Variants in VIPR2 observed in about 807,000 individuals in gnomAD.
The protein encoded by VIPR2 is vasoactive intestinal polypeptide receptor 2.
VIPR2 carries 48 observed loss-of-function variants against 58.0 expected under a neutral mutation model. The observed-to-expected ratio is 0.83, with a 90% confidence interval of 0.66 to 1.05. The LOEUF is 1.05. Among genes scored for constraint, VIPR2 ranks in the 50% least tolerant of loss-of-function variants. The probability of loss-of-function intolerance (pLI) is 0.00; values close to 1 mark genes in which losing one functional copy is unlikely to be tolerated. For synonymous variants in VIPR2, 243 were observed against 235.2 expected (o/e 1.03, Z -0.30); for missense variants, 534 against 558.0 (o/e 0.96, Z 0.43).
intron 4 of VIPR2, 66 bp downstream of exon 4, chr7:159,103,691 G>A (rs1274747076): frequency 2.0e-5 from 24 of 1,203,774 alleles, no homozygotes; most frequent in Non-Finnish European, 4.9e-6. Flanking sequence ...TGCAGGGCAG[G>A]AGGGGGCTTC....
At chr7:159,135,640 T>C (rs1797185027) in intron 2 of VIPR2, among the ~76,000 whole-genome samples, 1 of 151,694 alleles carries the variant, frequency 6.6e-6, no homozygotes, top group Non-Finnish European at 1.5e-5. Context: ...CTGGCCAACA[T>C]GGTGAAACCC....
intron 4 of VIPR2, among the ~76,000 whole-genome samples, chr7:159,081,114 C>A (rs1482412778): frequency 6.6e-6 from 1 of 152,170 alleles, no homozygotes; most frequent in East Asian, 1.9e-4. Flanking sequence ...TTGGAAAAAA[C>A]TACTTTAAAG....
Position 159,092,262 on chromosome 7 carries a change from G to A in VIPR2, c.357+11495C>T, listed in dbSNP as rs201956054. On this transcript the variant is annotated intron_variant, in intron 4 of 12. Coordinates refer to ENST00000262178, the MANE Select transcript of VIPR2 (RefSeq NM_003382.5). ...GGCTGGGGCCCAGAGCGAAATTGGC[G>A]AATCTGACACTCATGAAGCCGAGAG... 6.7e-4 allele frequency among the ~76,000 whole-genome samples: 102 copies of A among 152,290 alleles called. 1 individual carries two copies. The highest frequency in any genetic ancestry group is 2.4e-3 in the African/African-American group (98 of 41,584).
At position 159,106,135 on chromosome 7, in the gene VIPR2, C is replaced by T. The variant is rs192522935; in HGVS notation, c.260-2281G>A. On this transcript the variant is annotated intron_variant, in intron 3 of 12. Transcript: ENST00000262178. ...AGGCCCCTATCCTGAGCCTGGAAGC[C>T]AGGACCTCGGTGGGAGCTGAGCCTG... Among the ~76,000 whole-genome samples the T allele has an allele frequency of 1.2e-3, 181 of 152,362 alleles. 1 individual carries two copies. The highest frequency in any genetic ancestry group is 3.9e-3 in the African/African-American group (162 of 41,582).
At chr7:159,091,270 G>A (rs1857487856) in intron 4 of VIPR2, among the ~76,000 whole-genome samples, 1 of 152,224 alleles carries the variant, frequency 6.6e-6, no homozygotes, top group African/African-American at 2.4e-5. Context: ...CTGATGTCTC[G>A]ACTGCTCGTG....
chr7:159,108,956 G>T (rs1456785061), intron 3 of VIPR2, among the ~76,000 whole-genome samples: 1 of 152,184 alleles, frequency 6.6e-6, no homozygotes, highest in African/African-American at 2.4e-5. Context: ...GCAACTCGGG[G>T]TGAGAAAGTC....
intron 2 of VIPR2, among the ~76,000 whole-genome samples, chr7:159,133,030 T>TGGCATACAGATTGATTTCAGA (rs1214138766): frequency 1.4e-5 from 2 of 142,292 alleles, no homozygotes; most frequent in Non-Finnish European, 1.6e-5. Flanking sequence ...ACAGAATGAT[T>TGGCATACAGATTGATTTCAGA]CCAAAAATGC....
At chr7:159,046,210 G>A (rs528805685) in intron 5 of VIPR2, among the ~76,000 whole-genome samples, 63 of 152,300 alleles carry the variant, frequency 4.1e-4, no homozygotes, top group African/African-American at 1.4e-3. Flanking sequence ...AATTCCACTT[G>A]TAGGTATACG....
In VIPR2 at chr7:159,098,575, C is replaced by T. The variant is rs1585487568; in HGVS notation, c.357+5182G>A. On this transcript the variant is annotated intron_variant, in intron 4 of 12. Transcript: ENST00000262178. This position sits in a 1 kb window ranked among gnomAD's most constrained non-coding sequence, Gnocchi z 5.2. ...GCCCAGACCATGGCCACGGCTGGTG[C>T]GGCCCCTTGGGCTCCAGGTCCAGAT... Among the ~76,000 whole-genome samples, 1 of 152,180 alleles carries T rather than the reference C, an allele frequency of 6.6e-6. No individual in the cohort carries two copies.
At chr7:159,078,661 A>G (rs1252413358) in intron 4 of VIPR2, among the ~76,000 whole-genome samples, 1 of 152,214 alleles carries the variant, frequency 6.6e-6, no homozygotes, top group African/African-American at 2.4e-5. Context: ...TCCACTGTTG[A>G]GCCAGATTTA....
Position 159,030,181 on chromosome 7 carries a change from TAA to T in VIPR2, c.*433_*434del, listed in dbSNP as rs1185844291. 6.3e-6 allele frequency: 1 copy of T among 158,922 alleles called. No homozygotes were observed. Among genetic ancestry groups the T allele is most frequent in the Non-Finnish European group, 1.4e-5 (1 of 73,318 alleles). The allele number at this position is 158,922 out of a possible 1,614,324, so 9.8% of individuals were successfully genotyped here. ...TAACATGGTGAAACCCTGTCTCTAC[TAA>T]AAATACAAAAAATTAGCCAGGCGTG... On this transcript the variant is annotated 3_prime_UTR_variant, in exon 13 of 13. Coordinates refer to ENST00000262178, the MANE Select transcript of VIPR2 (RefSeq NM_003382.5).
At chr7:159,065,519 T>G (rs1287875333) in intron 4 of VIPR2, among the ~76,000 whole-genome samples, 3 of 152,258 alleles carry the variant, frequency 2.0e-5, no homozygotes, top group Non-Finnish European at 4.4e-5. Flanking sequence ...TCTCTGCGTT[T>G]AAGCTCTTTT....
At chr7:159,034,528 TG>T (rs1853797749) in intron 9 of VIPR2, 52 bp downstream of exon 9, 1 of 1,551,800 alleles carries the variant, frequency 6.4e-7, no homozygotes, top group African/African-American at 1.4e-5. Flanking sequence ...GCTTGCTGTC[TG>T]CCCAAGTGTG....
chr7:159,047,518 A>G (rs986872855), intron 5 of VIPR2, among the ~76,000 whole-genome samples: 3 of 120,964 alleles, frequency 2.5e-5, no homozygotes, highest in African/African-American at 9.0e-5. Flanking sequence ...ATTATGACAG[A>G]CACTGCTCCA....
chr7:159,119,553 C>G (rs1481695529), intron 2 of VIPR2, among the ~76,000 whole-genome samples: 1 of 152,226 alleles, frequency 6.6e-6, no homozygotes, highest in Non-Finnish European at 1.5e-5. Flanking sequence ...GCAAACCCCT[C>G]CTAGGGCACA....
rs945454815 is a variant in VIPR2, at chr7:159,098,950, G to A, written c.357+4807C>T. 2.6e-5 allele frequency among the ~76,000 whole-genome samples: 4 copies of A among 152,150 alleles called. No homozygotes were observed. Among genetic ancestry groups the A allele is most frequent in the South Asian group, 2.1e-4 (1 of 4,826 alleles). ...TCAGCTCCCAGGCAGCCCTGCGCTCGCCGGTGGGCAGAGCCGGCCCAGGAC... is the reference window on the plus strand; with the variant it reads ...TCAGCTCCCAGGCAGCCCTGCGCTCACCGGTGGGCAGAGCCGGCCCAGGAC... On this transcript the variant is annotated intron_variant, in intron 4 of 12. Transcript: ENST00000262178. The surrounding 1 kb of genome is among the most constrained non-coding windows in gnomAD (Gnocchi z 5.2).
At chr7:159,045,891 A>ATATATACT (rs55934723) in intron 5 of VIPR2, among the ~76,000 whole-genome samples, 5 of 148,000 alleles carry the variant, frequency 3.4e-5, no homozygotes, top group East Asian at 3.9e-4. Context: ...TTAGTATCTA[A>ATATATACT]AATATATAAA....
chr7:159,053,742 C>T (rs980545028), intron 5 of VIPR2, among the ~76,000 whole-genome samples: 15 of 152,118 alleles, frequency 9.9e-5, no homozygotes, highest in African/African-American at 3.6e-4. Flanking sequence ...GAGATGGGGT[C>T]TCCCTATGTT....
At position 159,047,209 on chromosome 7, in the gene VIPR2, G is replaced by T. The variant is rs115897256; in HGVS notation, c.456-4033C>A. On this transcript the variant is annotated intron_variant, in intron 5 of 12. Coordinates refer to ENST00000262178, the MANE Select transcript of VIPR2 (RefSeq NM_003382.5). ...CCAGGAGCCGAGATTGTGCCATTACGCTCCAGGCTGGGCAACACAAGCGAA... is the reference window on the plus strand; with the variant it reads ...CCAGGAGCCGAGATTGTGCCATTACTCTCCAGGCTGGGCAACACAAGCGAA... 3.8e-3 allele frequency among the ~76,000 whole-genome samples: 585 copies of T among 152,254 alleles called. 5 individuals carry two copies. The highest frequency in any genetic ancestry group is 0.013 in the African/African-American group (549 of 41,538).
Sources: gnomAD v4.1 joint callset for allele counts (sites outside exome capture counted in the v4.1 genomes callset) on GRCh38, gnomAD v4.1.1 for gene constraint, Gnocchi (gnomAD v3.1) non-coding constraint, MANE v1.5 for transcripts, NCBI Gene and HGNC (gene_info 2026-07-23, HGNC 2026-07-21) for gene names.